The following AR variants were observed in gnomAD, a reference collection of about 807,000 sequenced individuals.
AR encodes the protein androgen receptor, also known as dihydrotestosterone receptor.
AR carries 8 observed loss-of-function variants against 53.9 expected under a neutral mutation model. The observed-to-expected ratio is 0.15, with a 90% CI of 0.09 to 0.27. The LOEUF is 0.27. Ranked by LOEUF, AR falls within the 10% of genes least tolerant of loss-of-function variation. AR has a pLI of 1.00. For synonymous variants in AR, 359 were observed against 316.4 expected (o/e 1.13, Z -1.43); for missense variants, 639 against 742.5 (o/e 0.86, Z 1.62).
Position 67,545,560 on chromosome X carries a change from C to G in AR, c.414C>G (p.Ala138=), listed in dbSNP as rs776441367. The G allele has an allele frequency of 5.9e-6, 7 of 1,179,895 alleles. No individual in the cohort carries two copies. In the South Asian group the frequency reaches 9.3e-5, roughly 16 times the overall value. Residue 138 remains alanine, a synonymous_variant, in exon 1 of 8, where the codon GCC becomes GCG. Coordinates refer to ENST00000374690, the MANE Select transcript of AR (RefSeq NM_000044.6). ...GTTGCGTCCCAGAGCCTGGAGCCGC[C>G]GTGGCCGCCAGCAAGGGGCTGCCGC... ...ERGCVPEPGA[A]VAASKGLPQQ...
intron 2 of AR, among the ~76,000 whole-genome samples, chrX:67,659,396 T>C (rs1251610954): frequency 9.0e-6 from 1 of 110,517 alleles, no homozygotes; most frequent in East Asian, 2.9e-4. Context: ...GGCCCTAGTG[T>C]GTGATGTTCC....
At chrX:67,683,801 G>T (rs1372564368) in intron 2 of AR, among the ~76,000 whole-genome samples, 1 of 111,008 alleles carries the variant, frequency 9.0e-6, no homozygotes, top group East Asian at 2.8e-4. Flanking sequence ...GTTTTAGGTT[G>T]CCTTGTTTTA....
intron 3 of AR, among the ~76,000 whole-genome samples, chrX:67,704,921 GT>G (rs201545084): frequency 0.012 from 1,327 of 111,838 alleles, 9 homozygotes; most frequent in Middle Eastern, 0.028. Flanking sequence ...CCAATTTCTT[GT>G]TTTTGTCAGG....
At position 67,545,651 on chromosome X, in the gene AR, C is replaced by T. The variant is rs1259644971; in HGVS notation, c.505C>T (p.Pro169Ser). ...CCCATCCACGTTGTCCCTGCTGGGC[C>T]CCACTTTCCCCGGCTTAAGCAGCTG... ...AAPSTLSLLG[P>S]TFPGLSSCSA... The change falls in exon 1 of 8, where the codon CCC (proline) becomes TCC (serine). Residue 169 changes from proline to serine, a missense_variant. Pro to Ser is a moderately conservative substitution (Grantham distance 74, BLOSUM62 -1). This residue lies in a region of AR where 423 missense variants were observed against 377.0 expected (regional missense o/e 1.12). Coordinates refer to ENST00000374690, the MANE Select transcript of AR (RefSeq NM_000044.6). 8.4e-7 allele frequency: 1 copy of T among 1,196,566 alleles called. No homozygotes were observed. The highest frequency in any genetic ancestry group is 1.8e-5 in the South Asian group (1 of 54,844).
At chrX:67,719,969 G>C (rs145262398) in intron 5 of AR, among the ~76,000 whole-genome samples, 4 of 112,262 alleles carry the variant, frequency 3.6e-5, no homozygotes, top group African/African-American at 1.3e-4. Flanking sequence ...TCTTTGTAGA[G>C]ATCACATGTT....
Position 67,546,437 on chromosome X carries a change from G to A in AR, c.1291G>A (p.Ala431Thr), listed in dbSNP as rs1474848506. 8.4e-7 allele frequency: 1 copy of A among 1,184,632 alleles called. No individual in the cohort carries two copies. The highest frequency in any genetic ancestry group is 1.1e-6 in the Non-Finnish European group (1 of 882,480). The change falls in exon 1 of 8, where the codon GCT (alanine) becomes ACT (threonine). Residue 431 changes from alanine (A) to threonine (T), a missense_variant. Ala to Thr is a moderately conservative substitution (Grantham distance 58). Around this residue, in one of 5 missense-constraint regions of AR, gnomAD observed 423 missense variants for 377.0 expected, o/e 1.12. Coordinates refer to ENST00000374690, the MANE Select transcript of AR (RefSeq NM_000044.6). ...GPGSGSPSAAASSSWHTLFTA... is the reference protein window; with the variant it reads ...GPGSGSPSAATSSSWHTLFTA... The stretch of plus-strand genomic sequence containing the variant: ...CGGTTCTGGGTCACCCTCAGCCGCC[G>A]CTTCCTCATCCTGGCACACTCTCTT...
chrX:67,640,493 C>T (rs1925694065), intron 1 of AR, among the ~76,000 whole-genome samples: 1 of 111,367 alleles, frequency 9.0e-6, no homozygotes, highest in South Asian at 3.8e-4. Context: ...TCCTCAATTT[C>T]AGAACTTGTT....
At chrX:67,676,102 G>T (rs2075898286) in intron 2 of AR, among the ~76,000 whole-genome samples, 1 of 112,168 alleles carries the variant, frequency 8.9e-6, no homozygotes. Context: ...AATATCACAT[G>T]AGTATTATTT....
intron 7 of AR, among the ~76,000 whole-genome samples, chrX:67,723,312 C>G (rs868536490): frequency 2.4e-4 from 19 of 78,014 alleles, no homozygotes; most frequent in African/African-American, 8.7e-4. Flanking sequence ...GTTTGTCTGT[C>G]TGTGTGTGTG....
chrX:67,632,223 T>C (rs1260227580), intron 1 of AR, among the ~76,000 whole-genome samples: 1 of 113,389 alleles, frequency 8.8e-6, no homozygotes, highest in South Asian at 3.6e-4. Context: ...CAATGGCAGG[T>C]GCCCCTCCCC....
intron 1 of AR, among the ~76,000 whole-genome samples, chrX:67,581,930 G>T (rs1027426968): frequency 1.8e-5 from 2 of 111,628 alleles, no homozygotes; most frequent in African/African-American, 6.5e-5. Context: ...GAGTGCCAGA[G>T]TACCAGTACA....
intron 1 of AR, among the ~76,000 whole-genome samples, chrX:67,587,149 G>C (rs1269793458): frequency 1.8e-5 from 2 of 112,214 alleles, no homozygotes; most frequent in Admixed American, 1.9e-4. Flanking sequence ...GGAGAGGCAA[G>C]AGTTGAACCC....
At chrX:67,589,293 C>T (rs1299200451) in intron 1 of AR, among the ~76,000 whole-genome samples, 5 of 111,351 alleles carry the variant, frequency 4.5e-5, no homozygotes, top group Non-Finnish European at 9.4e-5. Flanking sequence ...AAAAAGAAGT[C>T]CACTGTTAGT....
chrX:67,700,055 T>C (rs1288972059), intron 3 of AR, among the ~76,000 whole-genome samples: 3 of 111,386 alleles, frequency 2.7e-5, no homozygotes, highest in Non-Finnish European at 5.7e-5. Flanking sequence ...CCCCATAGGA[T>C]CCATCCAGGC....
intron 1 of AR, chrX:67,568,794 T>A: frequency 9.3e-7 from 1 of 1,072,584 alleles, no homozygotes; most frequent in Non-Finnish European, 1.2e-6. Context: ...TATTGCAGAA[T>A]GTTTTATCAG....
chrX:67,588,067 C>A (rs968669392), intron 1 of AR, among the ~76,000 whole-genome samples: 6 of 111,938 alleles, frequency 5.4e-5, no homozygotes, highest in Non-Finnish European at 1.1e-4. Context: ...CCAAAGTGGG[C>A]AGGTACAGAA....
At chrX:67,693,696 G>GTT (rs1569307897) in intron 3 of AR, among the ~76,000 whole-genome samples, 1 of 111,602 alleles carries the variant, frequency 9.0e-6, no homozygotes, top group African/African-American at 3.3e-5. Context: ...CAGCTCATCT[G>GTT]TTATTAATAT....
chrX:67,619,522 CTA>C (rs764192327), intron 1 of AR, among the ~76,000 whole-genome samples: 2 of 110,774 alleles, frequency 1.8e-5, no homozygotes, highest in Non-Finnish European at 3.8e-5. Context: ...ATGTGAGAAA[CTA>C]TATAGTCTTA....
intron 3 of AR, among the ~76,000 whole-genome samples, chrX:67,707,838 G>A (rs1435621287): frequency 9.0e-6 from 1 of 111,588 alleles, no homozygotes. Context: ...TGCAGGCCTG[G>A]TGGTGACAAA....
Sources: gnomAD v4.1 joint callset for allele counts (sites outside exome capture counted in the v4.1 genomes callset) on GRCh38, gnomAD v4.1.1 for gene constraint, gnomAD v4.1.1 regional missense constraint, MANE v1.5 for transcripts, NCBI Gene and HGNC (gene_info 2026-07-23, HGNC 2026-07-21) for gene names.